The following SAV1 variants were observed in gnomAD, a reference collection of about 807,000 sequenced individuals.
The protein encoded by SAV1 is salvador family WW domain containing protein 1, also known as protein salvador homolog 1.
A neutral mutation model predicts 47.3 loss-of-function variants in SAV1; 23 were observed. The observed-to-expected ratio is 0.49, with a 90% CI of 0.35 to 0.69. The LOEUF is 0.69. Among genes scored for constraint, SAV1 ranks in the 30% least tolerant of loss-of-function variants. The probability of loss-of-function intolerance (pLI) is 0.01; values close to 1 mark genes in which losing one functional copy is unlikely to be tolerated. For synonymous variants in SAV1, 155 were observed against 159.2 expected, an observed-to-expected ratio of 0.97 and a Z score of 0.20; for missense variants, 448 against 457.4, an observed-to-expected ratio of 0.98 and a Z score of 0.19.
chr14:50,634,216 G>C lies in SAV1; in HGVS notation c.*967C>G. On this transcript the variant is annotated 3_prime_UTR_variant, in exon 5 of 5. Transcript: ENST00000324679. Reference sequence around the variant, plus strand: ...TGATGTTAGCAACTTTGAGTTTCACGCACCTTCCCAATACAGGCTAAGTAT... The same window carrying C: ...TGATGTTAGCAACTTTGAGTTTCACCCACCTTCCCAATACAGGCTAAGTAT... The C allele has an allele frequency of 2.2e-6, 1 of 454,602 alleles. No individual in the cohort carries two copies. Among genetic ancestry groups the C allele is most frequent in the South Asian group, 1.6e-5 (1 of 64,308 alleles). The allele number at this position is 454,602 out of a possible 1,614,324, so 28.2% of individuals were successfully genotyped here.
chr14:50,646,548 T>A (rs183111066), intron 2 of SAV1, among the ~76,000 whole-genome samples: 55 of 152,032 alleles, frequency 3.6e-4, no homozygotes, highest in African/African-American at 1.2e-3. Flanking sequence ...TAGCCGGGCG[T>A]GGTGGCGGAC....
intron 2 of SAV1, chr14:50,662,389 A>C (rs1447148412): frequency 3.3e-5 from 5 of 152,154 alleles, no homozygotes; most frequent in Non-Finnish European, 2.9e-5. Context: ...GGATGGCCTC[A>C]ATCTCCTGAC....
intron 2 of SAV1, 31 bp from the exon 3 acceptor site, chr14:50,645,045 A>T (rs1342431354): frequency 6.3e-7 from 1 of 1,580,438 alleles, no homozygotes; most frequent in African/African-American, 1.4e-5. Flanking sequence ...ATAGAGAAGA[A>T]ACAGAACAAT....
intron 2 of SAV1, among the ~76,000 whole-genome samples, chr14:50,660,174 G>A (rs148235915): frequency 2.0e-5 from 3 of 152,260 alleles, no homozygotes; most frequent in African/African-American, 4.8e-5. Context: ...GAACTGACTT[G>A]GTCTTGTGAC....
intron 2 of SAV1, among the ~76,000 whole-genome samples, chr14:50,655,191 T>C (rs1359427011): frequency 1.3e-5 from 2 of 152,212 alleles, no homozygotes; most frequent in African/African-American, 2.4e-5. Context: ...ATGACTTTAA[T>C]ATCACATCGT....
intron 1 of SAV1, among the ~76,000 whole-genome samples, 168 bp from the exon 2 acceptor site, chr14:50,665,787 A>G (rs1174306487): frequency 2.0e-5 from 3 of 152,230 alleles, no homozygotes; most frequent in African/African-American, 7.2e-5. Context: ...AAATTGAGGA[A>G]GATTAATATT....
intron 2 of SAV1, among the ~76,000 whole-genome samples, chr14:50,656,886 A>G (rs1025244850): frequency 6.6e-6 from 1 of 152,232 alleles, no homozygotes; most frequent in Admixed American, 6.5e-5. Context: ...ACCAAAACAG[A>G]TCCAGAAGAT....
intron 1 of SAV1, among the ~76,000 whole-genome samples, chr14:50,666,823 C>G (rs2039905423): frequency 1.3e-5 from 2 of 150,786 alleles, no homozygotes; most frequent in Admixed American, 1.3e-4. Flanking sequence ...TTTCGAGTTA[C>G]TGATGTACTC....
intron 1 of SAV1, among the ~76,000 whole-genome samples, chr14:50,666,658 G>C (rs775986056): frequency 6.6e-6 from 1 of 151,976 alleles, no homozygotes; most frequent in African/African-American, 2.4e-5. Context: ...ATAATAAAAA[G>C]TGTGACAAAC....
chr14:50,643,900 C>A (rs570585912), intron 3 of SAV1, among the ~76,000 whole-genome samples: 12 of 152,138 alleles, frequency 7.9e-5, no homozygotes, highest in Non-Finnish European at 1.6e-4. Context: ...ATACAAATGT[C>A]CACTATAACC....
At chr14:50,661,222 A>T (rs2039857550) in intron 2 of SAV1, among the ~76,000 whole-genome samples, 1 of 152,130 alleles carries the variant, frequency 6.6e-6, no homozygotes, top group African/African-American at 2.4e-5. Context: ...GATGTTGCAC[A>T]TTTTTTCACA....
At chr14:50,643,434 G>A (rs148694925) in intron 3 of SAV1, among the ~76,000 whole-genome samples, 4 of 152,202 alleles carry the variant, frequency 2.6e-5, no homozygotes, top group East Asian at 1.9e-4. Flanking sequence ...AGGGGGAACT[G>A]CCACACACTT....
chr14:50,656,028 A>G (rs968038930), intron 2 of SAV1, among the ~76,000 whole-genome samples: 9 of 152,208 alleles, frequency 5.9e-5, no homozygotes, highest in Non-Finnish European at 1.0e-4. Flanking sequence ...CTGGGCAACA[A>G]AAGTGAAACT....
intron 3 of SAV1, among the ~76,000 whole-genome samples, chr14:50,642,640 G>A (rs1040092098): frequency 1.3e-5 from 2 of 151,676 alleles, no homozygotes; most frequent in South Asian, 4.2e-4. Context: ...AAGTTAGGGA[G>A]AAAAAAAAGA....
In SAV1 at chr14:50,644,996, G is replaced by C; in HGVS notation, c.554C>G (p.Ala185Gly). ...RHASGIGRVAATSLGNLTNHG... is the reference protein window; with the variant it reads ...RHASGIGRVAGTSLGNLTNHG... ...GTTAGTCAAATTTCCTAAAGATGTA[G>C]CAGCAACTCTCCCAATACCTACGGG... The change falls in exon 3 of 5, where the codon GCT becomes GGT. Residue 185 changes from alanine (A) to glycine (G), a missense_variant. Transcript: ENST00000324679. The C allele has an allele frequency of 6.2e-7, 1 of 1,610,994 alleles. No individual in the cohort carries two copies.
In SAV1 at chr14:50,635,399, A is replaced by G. The variant is rs761151745; in HGVS notation, c.951-15T>C. On this transcript the variant is annotated splice_polypyrimidine_tract_variant and intron_variant, in intron 4 of 4. Coordinates refer to ENST00000324679, the MANE Select transcript of SAV1 (RefSeq NM_021818.4). ...TGTGGTCATATCTGTTTTAAAACAC[A>G]ATCATATATATGTTCACAACACATA... 15 of 1,600,354 alleles carry G rather than the reference A, an allele frequency of 9.4e-6. No individual in the cohort carries two copies. In the South Asian group the frequency reaches 1.3e-4, roughly 14 times the overall value.
intron 2 of SAV1, among the ~76,000 whole-genome samples, chr14:50,650,148 G>C (rs1315458379): frequency 6.6e-6 from 1 of 152,180 alleles, no homozygotes; most frequent in Non-Finnish European, 1.5e-5. Context: ...ATAAATACGG[G>C]TTATTGGCAT....
intron 2 of SAV1, among the ~76,000 whole-genome samples, chr14:50,657,978 T>C (rs1595649470): frequency 6.6e-6 from 1 of 152,208 alleles, no homozygotes; most frequent in Admixed American, 6.5e-5. Context: ...GAGAATAAAA[T>C]GGATCTAGAG....
chr14:50,663,192 T>C (rs2039874419), intron 2 of SAV1: 1 of 152,190 alleles, frequency 6.6e-6, no homozygotes, highest in South Asian at 2.1e-4. Context: ...AAATATTATA[T>C]AATCACATCC....
Sources: allele counts gnomAD v4.1 joint callset (sites outside exome capture counted in the v4.1 genomes callset), GRCh38; gene constraint gnomAD v4.1.1; transcripts MANE v1.5; gene names NCBI Gene and HGNC (gene_info 2026-07-23, HGNC 2026-07-21).